The following BBS1 variants were observed in gnomAD, a reference collection of about 807,000 sequenced individuals.
BBS1 encodes the protein BBSome complex member BBS1.
Under a neutral mutation model 73.9 loss-of-function variants are expected in BBS1, and 60 were observed. That is an observed-to-expected ratio of 0.81 (90% CI 0.66 to 1.01). BBS1 has a LOEUF of 1.01. Among genes scored for constraint, BBS1 ranks in the 50% least tolerant of loss-of-function variants. The pLI, the probability that BBS1 is intolerant of heterozygous loss-of-function variation, is 0.00. For synonymous variants in BBS1, 283 were observed against 317.4 expected (o/e 0.89, Z 1.15); for missense variants, 718 against 770.3 (o/e 0.93, Z 0.80).
At position 66,526,137 on chromosome 11, in the gene BBS1, C is replaced by G. The variant is rs1565287512; in HGVS notation, c.1125C>G (p.Ser375Arg). 1 of 1,614,232 alleles carries G rather than the reference C, an allele frequency of 6.2e-7. No individual in the cohort carries two copies. The highest frequency in any genetic ancestry group is 1.1e-5 in the South Asian group (1 of 91,090). Residue 375 changes from serine to arginine, a missense_variant, in exon 12 of 17, where the codon AGC becomes AGG. Coordinates refer to ENST00000318312, the MANE Select transcript of BBS1 (RefSeq NM_024649.5). Reference sequence around the variant, plus strand: ...TCTCCACATAGGATGCAGTGACCAGCCTTTGCTTTGGCCGGTACGGGCGGG... The same window carrying G: ...TCTCCACATAGGATGCAGTGACCAGGCTTTGCTTTGGCCGGTACGGGCGGG... ...NVIHTPDAVT[S>R]LCFGRYGRED...
In BBS1 at chr11:66,514,545, G is replaced by A. The variant is rs757307889; in HGVS notation, c.299G>A (p.Arg100Gln). ...ATFLMEQHEP[R>Q]TPALALASGP... Reference sequence around the variant, plus strand: ...TTCCTCATGGAGCAACATGAGCCCCGGACCCCAGCTCTGGCACTTGCTTCA... The same window carrying A: ...TTCCTCATGGAGCAACATGAGCCCCAGACCCCAGCTCTGGCACTTGCTTCA... Residue 100 changes from arginine to glutamine, a missense_variant, in exon 4 of 17, where the codon CGG (arginine) becomes CAG (glutamine). Transcript: ENST00000318312. 1.1e-5 allele frequency: 18 copies of A among 1,614,000 alleles called. No individual in the cohort carries two copies. Among genetic ancestry groups the A allele is most frequent in the Admixed American group, 1.0e-4 (6 of 59,992 alleles).
rs184614863 is a variant in BBS1, at chr11:66,531,707, A to C, written c.1660A>C (p.Ser554Arg). The stretch of plus-strand genomic sequence containing the variant: ...CTACCCCCTGGAGACCTTTGTGGAG[A>C]GTCTCAGTAACAAGGGCATCTCAGA... ...LNYPLETFVESLSNKGISDII... is the reference protein window; with the variant it reads ...LNYPLETFVERLSNKGISDII... Residue 554 changes from serine to arginine, a missense_variant, in exon 16 of 17, where the codon AGT becomes CGT. By Grantham distance (110) the Ser-to-Arg change is moderately radical. Transcript: ENST00000318312. 3.1e-6 allele frequency: 5 copies of C among 1,613,802 alleles called. No homozygotes were observed. The highest frequency in any genetic ancestry group is 3.4e-6 in the Non-Finnish European group (4 of 1,179,938).
At chr11:66,517,114 G>A (rs1244241368) in intron 7 of BBS1, among the ~76,000 whole-genome samples, 1 of 151,766 alleles carries the variant, frequency 6.6e-6, no homozygotes, top group Non-Finnish European at 1.5e-5. Context: ...CAGGGGAATG[G>A]CGTTAACCCG....
chr11:66,511,477 G>A (rs370383610), intron 3 of BBS1, among the ~76,000 whole-genome samples: 1 of 152,178 alleles, frequency 6.6e-6, no homozygotes, highest in South Asian at 2.1e-4. Context: ...CTAAGACAAA[G>A]CCTCTTAGTT....
At chr11:66,529,730 C>T (rs1406039777) in intron 13 of BBS1, 89 bp from the exon 14 acceptor site, 4 of 1,535,252 alleles carry the variant, frequency 2.6e-6, no homozygotes, top group Non-Finnish European at 3.6e-6. Flanking sequence ...GCACCCTCCC[C>T]ACACCAACCT....
intron 13 of BBS1, chr11:66,527,025 GC>G: frequency 6.5e-7 from 1 of 1,536,296 alleles, no homozygotes; most frequent in Non-Finnish European, 8.7e-7. Context: ...GACAGCAAGA[GC>G]CCTTAGAATT....
At chr11:66,524,994 A>G (rs1856420791) in intron 11 of BBS1, among the ~76,000 whole-genome samples, 1 of 152,052 alleles carries the variant, frequency 6.6e-6, no homozygotes, top group South Asian at 2.1e-4. Flanking sequence ...AGGTCAGGAG[A>G]TGGAGACCAT....
In BBS1 at chr11:66,511,995, C is replaced by CAAAA. The variant is rs796283982; in HGVS notation, c.159+762_159+765dup. Reference sequence around the variant, plus strand: ...CCTGGATGACAGAGTGAGACAGTTTCAAAAAAAAATATATATATATATATG... The same window carrying CAAAA: ...CCTGGATGACAGAGTGAGACAGTTTCAAAAAAAAAAAAATATATATATATATATG... On this transcript the variant is annotated intron_variant, in intron 3 of 16. Transcript: ENST00000318312. Among the ~76,000 whole-genome samples, 106 of 121,858 alleles carry CAAAA rather than the reference C, an allele frequency of 8.7e-4. 1 individual carries two copies. Among genetic ancestry groups the CAAAA allele is most frequent in the South Asian group, 8.4e-3 (34 of 4,032 alleles). 79.9% of individuals were successfully genotyped at this position (121,858 alleles called of 152,430 possible). A position where few individuals can be genotyped will look rare whatever the true frequency, so the allele number is the denominator to read the frequency against.
chr11:66,526,230 G>T (rs1856483941), intron 12 of BBS1, 38 bp downstream of exon 12: 1 of 1,585,134 alleles, frequency 6.3e-7, no homozygotes, highest in African/African-American at 1.3e-5. Flanking sequence ...TTTGAAGTCG[G>T]GAGTGAAGGG....
chr11:66,524,215 GGT>G, intron 11 of BBS1: 3 of 372,574 alleles, frequency 8.1e-6, no homozygotes, highest in South Asian at 6.3e-5. Context: ...GGGAGGCGGA[GGT>G]TGCAGTGAGC....
At chr11:66,530,191 C>T (rs888639609) in intron 14 of BBS1, among the ~76,000 whole-genome samples, 21 of 152,142 alleles carry the variant, frequency 1.4e-4, no homozygotes, top group Non-Finnish European at 2.4e-4. Context: ...GTGGGACACT[C>T]TCCAGCTCAG....
At chr11:66,526,980 A>T in intron 13 of BBS1, 173 bp downstream of exon 13, 1 of 1,544,916 alleles carries the variant, frequency 6.5e-7, no homozygotes, top group Non-Finnish European at 8.7e-7. Context: ...GTTGCCTGCA[A>T]ATCACTGTTC....
In BBS1 at chr11:66,532,231, A is replaced by T. The variant is rs920348329; in HGVS notation, c.*194A>T. The T allele has an allele frequency of 1.2e-5, 7 of 606,062 alleles. No homozygotes were observed. Among genetic ancestry groups the T allele is most frequent in the African/African-American group, 3.7e-5 (2 of 53,586 alleles). 37.5% of individuals were successfully genotyped at this position (606,062 alleles called of 1,614,324 possible). A position where few individuals can be genotyped will look rare whatever the true frequency, so the allele number is the denominator to read the frequency against. On this transcript the variant is annotated 3_prime_UTR_variant, in exon 17 of 17. Transcript: ENST00000318312. Reference sequence around the variant, plus strand: ...GTTAGTGAGTACCTAGGGCGGCTCAACTCCTCCCACAGCACCAACCCAGCA... The same window carrying T: ...GTTAGTGAGTACCTAGGGCGGCTCATCTCCTCCCACAGCACCAACCCAGCA...
At chr11:66,529,566 A>C in intron 13 of BBS1, 1 of 698,330 alleles carries the variant, frequency 1.4e-6, no homozygotes, top group Non-Finnish European at 2.6e-6. Context: ...GGCCGGACAG[A>C]GAAGCCAGTG....
intron 10 of BBS1, 71 bp from the exon 11 acceptor site, chr11:66,523,653 C>G: frequency 6.2e-7 from 1 of 1,611,136 alleles, no homozygotes; most frequent in Non-Finnish European, 8.5e-7. Context: ...CCTCTGGCTT[C>G]CCCACCCCAG....
intron 1 of BBS1, 140 bp from the exon 2 acceptor site, chr11:66,510,873 C>G: frequency 2.9e-6 from 4 of 1,368,734 alleles, no homozygotes; most frequent in South Asian, 2.3e-5. Context: ...GGAGGTCGCT[C>G]GGTGAGCCAG....
intron 14 of BBS1, 102 bp from the exon 15 acceptor site, chr11:66,530,792 G>A (rs1234572179): frequency 5.3e-6 from 8 of 1,501,600 alleles, no homozygotes; most frequent in Non-Finnish European, 6.5e-6. Context: ...TGAGTAGGAG[G>A]AGGGGACATG....
intron 7 of BBS1, among the ~76,000 whole-genome samples, chr11:66,519,303 A>G (rs182289217): frequency 1.3e-5 from 2 of 152,214 alleles, no homozygotes; most frequent in Non-Finnish European, 2.9e-5. Context: ...CCTGCGAGGC[A>G]GAGGTTGCAG....
At chr11:66,526,052 C>T (rs1856474267) in intron 11 of BBS1, 71 bp from the exon 12 acceptor site, 1 of 1,412,590 alleles carries the variant, frequency 7.1e-7, no homozygotes, top group South Asian at 1.2e-5. Flanking sequence ...CTGGGGCCTC[C>T]CCTACCCATC....
Sources: allele counts gnomAD v4.1 joint callset (sites outside exome capture counted in the v4.1 genomes callset), GRCh38; gene constraint gnomAD v4.1.1; transcripts MANE v1.5; gene names NCBI Gene and HGNC (gene_info 2026-07-23, HGNC 2026-07-21).